Variants in CALN1 observed in about 807,000 individuals in gnomAD.
CALN1 encodes the protein calcium-binding protein 8.
Under a neutral mutation model 30.6 loss-of-function variants are expected in CALN1, and 17 were observed. The ratio of observed to expected loss-of-function variants is 0.56; its 90% CI spans 0.38 to 0.83. CALN1 has a LOEUF of 0.83. CALN1 is among the 40% of genes least tolerant of loss of function. The probability of loss-of-function intolerance (pLI) is 0.00; values close to 1 mark genes in which losing one functional copy is unlikely to be tolerated. For synonymous variants in CALN1, 156 were observed against 131.4 expected (o/e 1.19, Z -1.28); for missense variants, 291 against 354.9 (o/e 0.82, Z 1.45).
intron 4 of CALN1, among the ~76,000 whole-genome samples, chr7:72,063,250 A>ATTTAAAT (rs1229575908): frequency 2.6e-5 from 4 of 152,334 alleles, no homozygotes; most frequent in African/African-American, 9.6e-5. Flanking sequence ...TTAATTCAAA[A>ATTTAAAT]TTTAAATTTT....
chr7:72,205,541 G>GAAAAA (rs1401685041), intron 3 of CALN1, among the ~76,000 whole-genome samples: 1 of 56,014 alleles, frequency 1.8e-5, no homozygotes, highest in African/African-American at 1.8e-4. Flanking sequence ...TCTCCTGATT[G>GAAAAA]CAAAAAAAAA....
At chr7:72,400,238 T>G (rs947613690) in intron 2 of CALN1, among the ~76,000 whole-genome samples, 1 of 152,204 alleles carries the variant, frequency 6.6e-6, no homozygotes, top group Non-Finnish European at 1.5e-5. Context: ...CGTTCATGCA[T>G]CTGACCCTCT....
intron 5 of CALN1, among the ~76,000 whole-genome samples, chr7:71,930,828 T>G (rs1584537456): frequency 6.6e-6 from 1 of 152,324 alleles, no homozygotes; most frequent in East Asian, 1.9e-4. Flanking sequence ...ACTCCTTCCC[T>G]TCTCTTCTCC....
At chr7:72,292,877 G>C (rs1052242379) in intron 2 of CALN1, among the ~76,000 whole-genome samples, 2 of 149,598 alleles carry the variant, frequency 1.3e-5, no homozygotes, top group Admixed American at 6.7e-5. Flanking sequence ...TTTAGTCCAT[G>C]AATTACAGGG....
intron 5 of CALN1, among the ~76,000 whole-genome samples, chr7:71,853,513 T>C (rs1001005753): frequency 4.7e-5 from 7 of 150,158 alleles, no homozygotes; most frequent in Non-Finnish European, 7.5e-5. Context: ...GTCTTCACAA[T>C]GTATGATAGA....
intron 5 of CALN1, among the ~76,000 whole-genome samples, chr7:72,006,086 T>C (rs1451603444): frequency 6.6e-6 from 1 of 152,204 alleles, no homozygotes; most frequent in Non-Finnish European, 1.5e-5. Context: ...TCTTTCTGAA[T>C]GATTTCCTAC....
At chr7:72,063,245 T>A (rs1395685586) in intron 4 of CALN1, among the ~76,000 whole-genome samples, 1 of 152,222 alleles carries the variant, frequency 6.6e-6, no homozygotes, top group African/African-American at 2.4e-5. Context: ...GTATGTTAAT[T>A]CAAAATTTAA....
intron 5 of CALN1, among the ~76,000 whole-genome samples, chr7:71,950,381 C>T (rs913949629): frequency 2.6e-5 from 4 of 152,146 alleles, no homozygotes; most frequent in South Asian, 2.1e-4. Context: ...TCTAGGTCTC[C>T]GACAATCACT....
chr7:72,239,439 G>C (rs113933798), intron 3 of CALN1, among the ~76,000 whole-genome samples: 4 of 152,216 alleles, frequency 2.6e-5, no homozygotes, highest in African/African-American at 7.2e-5. Flanking sequence ...AAGATTCTGT[G>C]ACGCTCTGCT....
intron 3 of CALN1, among the ~76,000 whole-genome samples, chr7:72,132,487 T>G (rs1366783082): frequency 6.6e-6 from 1 of 152,074 alleles, no homozygotes; most frequent in Non-Finnish European, 1.5e-5. Context: ...GTTAGTTCAT[T>G]TTCATTACTA....
At chr7:72,403,081 G>A (rs900693880) in intron 2 of CALN1, among the ~76,000 whole-genome samples, 170 bp downstream of exon 2, 2 of 152,116 alleles carry the variant, frequency 1.3e-5, no homozygotes, top group Admixed American at 6.5e-5. Context: ...CAAGAAAGGG[G>A]ATAGAATCTC....
intron 3 of CALN1, among the ~76,000 whole-genome samples, chr7:72,164,675 T>C (rs941451985): frequency 1.3e-5 from 2 of 152,136 alleles, no homozygotes; most frequent in Non-Finnish European, 2.9e-5. Flanking sequence ...AGTATATACA[T>C]TTTTTGTGTA....
intron 1 of CALN1, among the ~76,000 whole-genome samples, chr7:72,410,692 T>G (rs181201515): frequency 6.6e-6 from 1 of 152,288 alleles, no homozygotes; most frequent in Non-Finnish European, 1.5e-5. Flanking sequence ...CAAGACCCTA[T>G]GAACGGCTCA....
intron 3 of CALN1, among the ~76,000 whole-genome samples, chr7:72,193,107 G>A (rs1414601071): frequency 1.3e-5 from 2 of 151,662 alleles, no homozygotes; most frequent in Non-Finnish European, 2.9e-5. Flanking sequence ...AGAACCGCTT[G>A]AACACAGGAA....
At chr7:72,116,242 G>A (rs1297365430) in intron 3 of CALN1, among the ~76,000 whole-genome samples, 1 of 152,126 alleles carries the variant, frequency 6.6e-6, no homozygotes, top group African/African-American at 2.4e-5. Flanking sequence ...AGTCCTGAAG[G>A]CACTTCCTGC....
intron 2 of CALN1, among the ~76,000 whole-genome samples, chr7:72,338,495 G>GTC (rs1802215440): frequency 1.4e-5 from 2 of 142,764 alleles, no homozygotes; most frequent in African/African-American, 5.3e-5. Context: ...GTGTGTGTGT[G>GTC]TGTGTGTGTG....
At chr7:71,974,452 A>G (rs1416527287) in intron 5 of CALN1, among the ~76,000 whole-genome samples, 2 of 151,346 alleles carry the variant, frequency 1.3e-5, no homozygotes, top group East Asian at 1.9e-4. Context: ...AGGAAAAAGA[A>G]AAAGAAAAAA....
rs572332044 is a variant in CALN1 at position 72,375,149 on chromosome 7, C to T, written c.119+28102G>A. ...CATCAGTGGCTTAAACACGCATTGTCTTGTAGTTTGTCTAGGGCAAAAGTC... is the reference window on the plus strand; with the variant it reads ...CATCAGTGGCTTAAACACGCATTGTTTTGTAGTTTGTCTAGGGCAAAAGTC... On this transcript the variant is annotated intron_variant, in intron 2 of 6. Transcript: ENST00000395275. Among the ~76,000 whole-genome samples, 3 of 152,230 alleles carry T rather than the reference C, an allele frequency of 2.0e-5. No individual in the cohort carries two copies. In the East Asian group the frequency reaches 5.8e-4, roughly 29 times the overall value.
chr7:71,946,718 A>G lies in CALN1; in HGVS notation c.501+76939T>C, dbSNP rs941728556. On this transcript the variant is annotated intron_variant, in intron 5 of 6. Transcript: ENST00000395275. ...TTCCCACATCTGTCATGAGGCAAGC[A>G]TGAAAAGGCCTTTTTTCCTCCTTGA... is the stretch of plus-strand genomic sequence containing the variant. Among the ~76,000 whole-genome samples, 8 of 152,248 alleles carry G rather than the reference A, an allele frequency of 5.3e-5. No homozygotes were observed. In the East Asian group the frequency reaches 1.5e-3, roughly 29 times the overall value.
Sources: allele counts gnomAD v4.1 joint callset (sites outside exome capture counted in the v4.1 genomes callset), GRCh38; gene constraint gnomAD v4.1.1; transcripts MANE v1.5; gene names NCBI Gene and HGNC (gene_info 2026-07-23, HGNC 2026-07-21).